NSD1: variants seen among roughly 807,000 people sequenced by gnomAD.
NSD1 encodes histone-lysine N-methyltransferase, H3 lysine-36 specific.
A neutral mutation model predicts 242.7 loss-of-function variants in NSD1; 26 were observed. The ratio of observed to expected loss-of-function variants is 0.11; its 90% CI spans 0.08 to 0.15. NSD1 has a LOEUF of 0.15. NSD1 is among the 10% of genes least tolerant of loss of function. The pLI, the probability that NSD1 is intolerant of heterozygous loss-of-function variation, is 1.00. For missense variants in NSD1, 2,495 were observed against 3,272.8 expected, an observed-to-expected ratio of 0.76 and a Z score of 5.80; for synonymous variants, 1,106 against 1,178.1, an observed-to-expected ratio of 0.94 and a Z score of 1.25.
intron 2 of NSD1, among the ~76,000 whole-genome samples, chr5:177,177,609 CA>C (rs1189652489): frequency 2.6e-5 from 4 of 152,062 alleles, no homozygotes. Context: ...ATGACCATGC[CA>C]CTGCACTCCA....
intron 2 of NSD1, among the ~76,000 whole-genome samples, chr5:177,188,399 T>C (rs1761404896): frequency 1.3e-5 from 2 of 152,228 alleles, no homozygotes; most frequent in South Asian, 2.1e-4. Flanking sequence ...TTTATATAGA[T>C]TTATTTTTCC....
intron 2 of NSD1, among the ~76,000 whole-genome samples, chr5:177,140,584 C>T (rs369394392): frequency 4.0e-5 from 6 of 151,828 alleles, no homozygotes; most frequent in South Asian, 2.1e-4. Context: ...CTCTGGAGGC[C>T]GAGGCAGGAG....
chr5:177,185,289 G>A (rs1761010100), intron 2 of NSD1, among the ~76,000 whole-genome samples: 2 of 151,726 alleles, frequency 1.3e-5, no homozygotes, highest in African/African-American at 4.8e-5. Context: ...GCATCATGGT[G>A]AAACCCTGTC....
At chr5:177,266,870 A>G (rs1009710133) in intron 14 of NSD1, 10 of 169,294 alleles carry the variant, frequency 5.9e-5, no homozygotes, top group South Asian at 2.0e-4. Context: ...AAGCATTTAT[A>G]TATTTATTTA....
rs148536546 is a variant in NSD1 at position 177,155,333 on chromosome 5, G to C, written c.927+19303G>C. Among the ~76,000 whole-genome samples the C allele has an allele frequency of 4.5e-3, 683 of 151,730 alleles. 6 individuals are homozygous for C. Among genetic ancestry groups the C allele is most frequent in the African/African-American group, 0.016 (651 of 41,376 alleles). ...AGAAATTTTTGTATTTCACTGTATTGGTCAGGCTGGTCTGGAACTCCTGAG... is the reference window on the plus strand; with the variant it reads ...AGAAATTTTTGTATTTCACTGTATTCGTCAGGCTGGTCTGGAACTCCTGAG... On this transcript the variant is annotated intron_variant, in intron 2 of 22. Transcript: ENST00000439151.
intron 5 of NSD1, chr5:177,229,679 T>C: frequency 2.8e-6 from 1 of 352,024 alleles, no homozygotes; most frequent in Non-Finnish European, 5.5e-6. Context: ...AGGTAGGGAG[T>C]TGGGGTAGTT....
Position 177,238,226 on chromosome 5 carries a change from T to C in NSD1, c.3922-11T>C. On this transcript the variant is annotated splice_polypyrimidine_tract_variant and intron_variant, in intron 6 of 22. Coordinates refer to ENST00000439151, the MANE Select transcript of NSD1 (RefSeq NM_022455.5). The surrounding 1 kb of genome is among the most constrained non-coding windows in gnomAD (Gnocchi z 4.6). ...TGGCCTGTGGACTCTATTTTTATTT[T>C]TTGTTCTTAGGTAAGTTCCCGCTGT... is the stretch of plus-strand genomic sequence containing the variant. 6.2e-7 allele frequency: 1 copy of C among 1,614,196 alleles called. No individual in the cohort carries two copies. The highest frequency in any genetic ancestry group is 8.5e-7 in the Non-Finnish European group (1 of 1,180,028).
intron 2 of NSD1, 71 bp downstream of exon 2, chr5:177,136,101 G>A (rs754518431): frequency 7.2e-7 from 1 of 1,389,058 alleles, no homozygotes; most frequent in East Asian, 2.4e-5. Flanking sequence ...AGGGAAACTT[G>A]TAACAAATTT....
At chr5:177,165,839 T>C (rs975061486) in intron 2 of NSD1, among the ~76,000 whole-genome samples, 3 of 151,966 alleles carry the variant, frequency 2.0e-5, no homozygotes, top group African/African-American at 7.2e-5. Context: ...TCAAGCAATC[T>C]TCTAGCCTTC....
intron 20 of NSD1, 139 bp downstream of exon 20, chr5:177,284,067 G>C: frequency 9.1e-7 from 1 of 1,092,960 alleles, no homozygotes; most frequent in Non-Finnish European, 1.4e-6. Flanking sequence ...ACATTTTTGT[G>C]CAACCATCAC....
chr5:177,159,887 C>A (rs1758595580), intron 2 of NSD1, among the ~76,000 whole-genome samples: 1 of 151,406 alleles, frequency 6.6e-6, no homozygotes. Context: ...CTGCACCCGG[C>A]CGAATATATT....
chr5:177,236,965 T>C (rs1397600835), intron 6 of NSD1, among the ~76,000 whole-genome samples: 1 of 152,102 alleles, frequency 6.6e-6, no homozygotes, highest in African/African-American at 2.4e-5. Context: ...GCCTCCTGAG[T>C]AGTTGGGACC....
chr5:177,149,050 C>T (rs1419584720), intron 2 of NSD1, among the ~76,000 whole-genome samples: 1 of 151,974 alleles, frequency 6.6e-6, no homozygotes, highest in East Asian at 1.9e-4. Context: ...AACTCCTGAC[C>T]TCAGGTAATC....
intron 2 of NSD1, among the ~76,000 whole-genome samples, chr5:177,165,781 T>C (rs1759137316): frequency 6.6e-6 from 1 of 152,128 alleles, no homozygotes; most frequent in South Asian, 2.1e-4. Context: ...GTTGTTGTTG[T>C]TGTTGTTGTT....
chr5:177,210,067 T>C lies in NSD1; in HGVS notation c.1668T>C (p.Asn556=). The change falls in exon 5 of 23, where the codon AAT becomes AAC. Residue 556 remains asparagine, a synonymous_variant. Transcript: ENST00000439151. ...QASNELSRIA[N]SLTGSNTAPG... Reference sequence around the variant, plus strand: ...CTAATGAACTTTCCAGGATAGCAAATAGCCTCACAGGGTCCAACACTGCCC... The same window carrying C: ...CTAATGAACTTTCCAGGATAGCAAACAGCCTCACAGGGTCCAACACTGCCC... 1 of 1,613,890 alleles carries C rather than the reference T, an allele frequency of 6.2e-7. No individual in the cohort carries two copies. Among genetic ancestry groups the C allele is most frequent in the Non-Finnish European group, 8.5e-7 (1 of 1,179,890 alleles).
chr5:177,257,332 G>A (rs1037735814), intron 13 of NSD1, among the ~76,000 whole-genome samples, 181 bp downstream of exon 13: 6 of 149,140 alleles, frequency 4.0e-5, no homozygotes, highest in South Asian at 2.1e-4. Context: ...CTGGGTTCAC[G>A]CCATTCTCCT....
At chr5:177,252,465 G>C (rs971421334) in intron 12 of NSD1, among the ~76,000 whole-genome samples, 7 of 150,720 alleles carry the variant, frequency 4.6e-5, no homozygotes, top group Non-Finnish European at 1.0e-4. Flanking sequence ...GCTTAGATTG[G>C]GTTAGAAAAT....
rs188034347 is a variant in NSD1 at position 177,283,023 on chromosome 5, G to A, written c.6009+442G>A. ...GGCTGGAGTACAGTGGCATGATCTC[G>A]GCTTGCTGCAACCTCTGCCTCCTGG... On this transcript the variant is annotated intron_variant, in intron 19 of 22. Coordinates refer to ENST00000439151, the MANE Select transcript of NSD1 (RefSeq NM_022455.5). Among the ~76,000 whole-genome samples the A allele has an allele frequency of 2.6e-5, 4 of 152,022 alleles. No individual in the cohort carries two copies. The East Asian group carries it at 5.8e-4, about 22-fold the overall frequency.
At position 177,257,288 on chromosome 5, in the gene NSD1, T is replaced by C. The variant is rs918131360; in HGVS notation, c.4966+137T>C. 4.0e-6 allele frequency: 3 copies of C among 757,374 alleles called. No homozygotes were observed. The East Asian group carries it at 8.1e-5, about 20-fold the overall frequency. The allele number at this position is 757,374 out of a possible 1,614,324, so 46.9% of individuals were successfully genotyped here. On this transcript the variant is annotated intron_variant, in intron 13 of 22. Transcript: ENST00000439151. ...CTGTGTTGCCGAGGCTGGAGTGCAGTGGCGTGATCTTGGCCCACTGCAAGC... is the reference window on the plus strand; with the variant it reads ...CTGTGTTGCCGAGGCTGGAGTGCAGCGGCGTGATCTTGGCCCACTGCAAGC...
Sources: gnomAD v4.1 joint callset for allele counts (sites outside exome capture counted in the v4.1 genomes callset) on GRCh38, gnomAD v4.1.1 for gene constraint, Gnocchi (gnomAD v3.1) non-coding constraint, MANE v1.5 for transcripts, NCBI Gene and HGNC (gene_info 2026-07-23, HGNC 2026-07-21) for gene names.